The following NCOA6 variants were observed in gnomAD, a reference collection of about 807,000 sequenced individuals.
The protein encoded by NCOA6 is nuclear receptor coactivator 6.
A neutral mutation model predicts 171.4 loss-of-function variants in NCOA6; 49 were observed. The ratio of observed to expected loss-of-function variants is 0.29; its 90% CI spans 0.23 to 0.36. NCOA6 has a LOEUF of 0.36. Among genes scored for constraint, NCOA6 ranks in the 10% least tolerant of loss-of-function variants. The pLI is 1.00. For missense variants in NCOA6, 2,248 were observed against 2,554.5 expected, an observed-to-expected ratio of 0.88 and a Z score of 2.59; for synonymous variants, 910 against 927.5, an observed-to-expected ratio of 0.98 and a Z score of 0.34.
chr20:34,722,684 G>GAAAAAAA (rs112692497), intron 14 of NCOA6, among the ~76,000 whole-genome samples: 3 of 90,512 alleles, frequency 3.3e-5, no homozygotes, highest in African/African-American at 1.2e-4. Context: ...TGTCTCAAAT[G>GAAAAAAA]AAAAAAAAAA....
chr20:34,743,092 T>C lies in NCOA6; in HGVS notation c.3164A>G (p.His1055Arg), dbSNP rs746624102. Reference sequence around the variant, plus strand: ...GGGGTTCAGGGGGCCCCTTGGAGGATGGACATTTTGAGAGACTGGAAGCCT... The same window carrying C: ...GGGGTTCAGGGGGCCCCTTGGAGGACGGACATTTTGAGAGACTGGAAGCCT... ...SVRLPVSQNV[H>R]PPRGPLNPDS... The change falls in exon 11 of 15, where the codon CAT becomes CGT. Residue 1055 changes from histidine (H) to arginine (R), a missense_variant. Physicochemically the swap from His to Arg is conservative, Grantham distance 29. This residue lies in a region of NCOA6 where 352 missense variants were observed against 419.1 expected (regional missense o/e 0.84). Coordinates refer to ENST00000359003, the MANE Select transcript of NCOA6 (RefSeq NM_014071.5). The C allele has an allele frequency of 2.5e-6, 4 of 1,613,354 alleles. No homozygotes were observed. Among genetic ancestry groups the C allele is most frequent in the Middle Eastern group, 1.6e-4 (1 of 6,082 alleles).
chr20:34,819,146 C>T lies in NCOA6; in HGVS notation c.-164+6326G>A, dbSNP rs117878842. ...TCTGTCAATTTCTGGCCATCCCCCC[C>T]ACCATCCCAATATGTCATTTACTGG... On this transcript the variant is annotated intron_variant, in intron 1 of 14. Coordinates refer to ENST00000359003, the MANE Select transcript of NCOA6 (RefSeq NM_014071.5). Among the ~76,000 whole-genome samples the T allele has an allele frequency of 1.1e-3, 174 of 152,252 alleles. 1 individual carries two copies. Among genetic ancestry groups the T allele is most frequent in the Non-Finnish European group, 1.9e-3 (131 of 68,014 alleles).
chr20:34,777,949 C>G (rs1357418773), intron 3 of NCOA6, among the ~76,000 whole-genome samples: 3 of 152,160 alleles, frequency 2.0e-5, no homozygotes, highest in Non-Finnish European at 4.4e-5. Flanking sequence ...TGCTCTGTCA[C>G]CAGGCTGGAG....
rs535007151 is a variant in NCOA6 at position 34,757,628 on chromosome 20, G to C, written c.1120C>G (p.Pro374Ala). 6.2e-6 allele frequency: 10 copies of C among 1,613,920 alleles called. No homozygotes were observed. Among genetic ancestry groups the C allele is most frequent in the Non-Finnish European group, 7.6e-6 (9 of 1,179,956 alleles). ...ATVQTPSHPP[P>A]PYPFGSQQAS... The stretch of plus-strand genomic sequence containing the variant: ...TGCTGGCTGCCAAAGGGATATGGAG[G>C]GGGAGGGTGGGAAGGCGTCTGTACC... Residue 374 changes from proline to alanine, a missense_variant, in exon 7 of 15, where the codon CCT (proline) becomes GCT (alanine). By Grantham distance (27) the Pro-to-Ala change is conservative. This residue lies in a region of NCOA6 where 987 missense variants were observed against 1,104.7 expected (regional missense o/e 0.89). Transcript: ENST00000359003.
chr20:34,824,515 T>C (rs1012601591), intron 1 of NCOA6, among the ~76,000 whole-genome samples: 2 of 152,214 alleles, frequency 1.3e-5, no homozygotes, highest in African/African-American at 4.8e-5. Context: ...TCTTAAGCTG[T>C]GGGCTGTCCC....
At chr20:34,824,134 GA>G (rs2079085991) in intron 1 of NCOA6, among the ~76,000 whole-genome samples, 3 of 152,168 alleles carry the variant, frequency 2.0e-5, no homozygotes, top group Admixed American at 2.0e-4. Context: ...ATTACAGGAA[GA>G]AAACAAATTT....
At chr20:34,770,791 G>A (rs1221002603) in intron 4 of NCOA6, among the ~76,000 whole-genome samples, 4 of 151,782 alleles carry the variant, frequency 2.6e-5, no homozygotes, top group Non-Finnish European at 5.9e-5. Flanking sequence ...CACCACGCCC[G>A]GCTAATTTTT....
Position 34,742,958 on chromosome 20 carries a change from G to A in NCOA6, c.3298C>T (p.Pro1100Ser), listed in dbSNP as rs1458113895. Residue 1100 changes from proline to serine, a missense_variant, in exon 11 of 15, where the codon CCT (proline) becomes TCT (serine). Physicochemically the swap from Pro to Ser is moderately conservative, Grantham distance 74. Coordinates refer to ENST00000359003, the MANE Select transcript of NCOA6 (RefSeq NM_014071.5). ...TTGCTTCCCAAGGGAGTATTCACAGGCATTGGCATTCTTTGTTTATCAGGT... is the reference window on the plus strand; with the variant it reads ...TTGCTTCCCAAGGGAGTATTCACAGACATTGGCATTCTTTGTTTATCAGGT... ...PSPDKQRMPM[P>S]VNTPLGSNSR... The A allele has an allele frequency of 6.2e-7, 1 of 1,613,938 alleles. No individual in the cohort carries two copies. The highest frequency in any genetic ancestry group is 8.5e-7 in the Non-Finnish European group (1 of 1,179,844).
intron 4 of NCOA6, among the ~76,000 whole-genome samples, chr20:34,774,270 T>G (rs1421507079): frequency 6.6e-6 from 1 of 152,252 alleles, no homozygotes; most frequent in Admixed American, 6.5e-5. Flanking sequence ...ACAGCCCACA[T>G]ATTGTTATTT....
chr20:34,816,491 G>A (rs971845346), intron 1 of NCOA6, among the ~76,000 whole-genome samples: 1 of 152,100 alleles, frequency 6.6e-6, no homozygotes, highest in Non-Finnish European at 1.5e-5. Flanking sequence ...ACAAGCCAAG[G>A]AGCACCAAGA....
intron 1 of NCOA6, among the ~76,000 whole-genome samples, chr20:34,817,736 A>G (rs2078889599): frequency 6.6e-6 from 1 of 152,212 alleles, no homozygotes; most frequent in African/African-American, 2.4e-5. Context: ...GCAGAGACAG[A>G]CACCAGCCCA....
intron 4 of NCOA6, among the ~76,000 whole-genome samples, chr20:34,773,372 A>G (rs1018219330): frequency 7.2e-5 from 11 of 152,226 alleles, no homozygotes; most frequent in Admixed American, 2.0e-4. Context: ...GTATTTGTCA[A>G]TGGAGAACGG....
chr20:34,735,442 G>A (rs1426819477), intron 12 of NCOA6, among the ~76,000 whole-genome samples: 1 of 152,042 alleles, frequency 6.6e-6, no homozygotes. Context: ...TCAGGAGATC[G>A]AGACCATCCT....
At chr20:34,811,589 T>A (rs1453979116) in intron 1 of NCOA6, among the ~76,000 whole-genome samples, 1 of 152,210 alleles carries the variant, frequency 6.6e-6, no homozygotes, top group African/African-American at 2.4e-5. Flanking sequence ...AATAATCTAC[T>A]GTAATTTGAA....
intron 1 of NCOA6, among the ~76,000 whole-genome samples, chr20:34,822,351 C>T (rs2079031923): frequency 6.6e-6 from 1 of 152,176 alleles, no homozygotes; most frequent in Admixed American, 6.6e-5. Context: ...TGCTTTCACA[C>T]ACATTCTATG....
intron 1 of NCOA6, among the ~76,000 whole-genome samples, chr20:34,824,638 T>G (rs1270514897): frequency 6.6e-6 from 1 of 152,172 alleles, no homozygotes; most frequent in African/African-American, 2.4e-5. Flanking sequence ...GCCAACCAGT[T>G]CCACTCTCTG....
chr20:34,769,005 A>C (rs1600936185), intron 4 of NCOA6, among the ~76,000 whole-genome samples: 1 of 152,010 alleles, frequency 6.6e-6, no homozygotes. Context: ...ACTAAATATA[A>C]GTAGGTTTAA....
At chr20:34,762,342 A>G (rs2076843464) in intron 5 of NCOA6, among the ~76,000 whole-genome samples, 1 of 152,148 alleles carries the variant, frequency 6.6e-6, no homozygotes, top group Non-Finnish European at 1.5e-5. Flanking sequence ...TGTTTCCTGT[A>G]ACAGCACATA....
chr20:34,750,116 C>T lies in NCOA6; in HGVS notation c.2079G>A (p.Ala693=), dbSNP rs767774471. The T allele has an allele frequency of 4.4e-5, 71 of 1,613,998 alleles. No individual in the cohort carries two copies. The highest frequency in any genetic ancestry group is 2.7e-4 in the East Asian group (12 of 44,892). ...MLSQQGPQMM[A]PHNQMMGPQG... is the part of the protein sequence containing the mutation. The stretch of plus-strand genomic sequence containing the variant: ...GAGGCCCCATCATCTGGTTATGTGG[C>T]GCCATCATTTGTGGGCCCTGCTGGG... Residue 693 remains alanine, a synonymous_variant, in exon 9 of 15, where the codon GCG becomes GCA. Coordinates refer to ENST00000359003, the MANE Select transcript of NCOA6 (RefSeq NM_014071.5).
Sources: gnomAD v4.1 joint callset for allele counts (sites outside exome capture counted in the v4.1 genomes callset) on GRCh38, gnomAD v4.1.1 for gene constraint, gnomAD v4.1.1 regional missense constraint, MANE v1.5 for transcripts, NCBI Gene and HGNC (gene_info 2026-07-23, HGNC 2026-07-21) for gene names.